The following ABCA2 variants were observed in gnomAD, a reference collection of about 807,000 sequenced individuals.
ABCA2 encodes the protein ATP binding cassette subfamily A member 2.
In ABCA2, 84 loss-of-function variants were observed where a neutral mutation model predicts 262.8. The ratio of observed to expected loss-of-function variants is 0.32; its 90% CI spans 0.27 to 0.38. The LOEUF (loss-of-function observed/expected upper bound fraction) is 0.38, where lower values mean the gene tolerates loss of function less well. Ranked by LOEUF, ABCA2 falls within the 10% of genes least tolerant of loss-of-function variation. The pLI is 1.00. For missense variants in ABCA2, 2,662 were observed against 3,405.9 expected (o/e 0.78, Z 5.44); for synonymous variants, 1,696 against 1,502.9 (o/e 1.13, Z -2.97).
rs1183133129 is a variant in ABCA2 at position 137,013,095 on chromosome 9, G to T, written c.4774C>A (p.Pro1592Thr). The T allele has an allele frequency of 1.9e-6, 3 of 1,582,448 alleles. No individual in the cohort carries two copies. The highest frequency in any genetic ancestry group is 1.7e-6 in the Non-Finnish European group (2 of 1,167,208). The change falls in exon 30 of 49, where the codon CCC becomes ACC. Residue 1592 changes from proline (P) to threonine (T), a missense_variant. Pro to Thr is a conservative substitution (Grantham distance 38). Transcript: ENST00000341511. Reference sequence around the variant, plus strand: ...TCAGATGGGGCGGGCGAGGGTGGGGGTGGCACGAAATTGGACAGTGGCAGC... The same window carrying T: ...TCAGATGGGGCGGGCGAGGGTGGGGTTGGCACGAAATTGGACAGTGGCAGC... ...QGLPLSNFVP[P>T]PPSPAPSDSP...
At chr9:137,018,697 C>T (rs765895979) in intron 13 of ABCA2, 22 bp downstream of exon 13, 21 of 807,454 alleles carry the variant, frequency 2.6e-5, no homozygotes, top group East Asian at 2.0e-4. Flanking sequence ...GGGGCTGGGG[C>T]GGGGCGGGGA....
Position 137,028,024 on chromosome 9 carries a change from C to T in ABCA2, c.66+51G>A, listed in dbSNP as rs1273749629. ...GTGCGCGCGGGGAGCGCGCCTCTGG[C>T]CGCGGTGCGCGCGGCCTCGGGCTGA... is the stretch of plus-strand genomic sequence containing the variant. On this transcript the variant is annotated intron_variant, in intron 1 of 48. Transcript: ENST00000341511. This position sits in a 1 kb window ranked among gnomAD's most constrained non-coding sequence, Gnocchi z 6.9. 21 of 948,726 alleles carry T rather than the reference C, an allele frequency of 2.2e-5. No homozygotes were observed. Among genetic ancestry groups the T allele is most frequent in the South Asian group, 9.3e-5 (2 of 21,516 alleles). The allele number at this position is 948,726 out of a possible 1,614,324, so 58.8% of individuals were successfully genotyped here. A position where few individuals can be genotyped will look rare whatever the true frequency, so the allele number is the denominator to read the frequency against.
rs757391139 is a variant in ABCA2, at chr9:137,011,618, C to T, written c.5651+16G>A. ...CGGTCCCACCTGAGGCCGCTCCCCC[C>T]TCCGCTTCCGCTTACCCATAGAGCA... On this transcript the variant is annotated intron_variant, in intron 36 of 48. Transcript: ENST00000341511. The surrounding 1 kb of genome is among the most constrained non-coding windows in gnomAD (Gnocchi z 8.8). The T allele has an allele frequency of 6.2e-5, 96 of 1,552,806 alleles. No homozygotes were observed. The highest frequency in any genetic ancestry group is 7.9e-5 in the Non-Finnish European group (91 of 1,148,574).
chr9:137,021,766 G>A lies in ABCA2; in HGVS notation c.678+125C>T. The A allele has an allele frequency of 8.0e-7, 1 of 1,248,524 alleles. No homozygotes were observed. Among genetic ancestry groups the A allele is most frequent in the Non-Finnish European group, 1.1e-6 (1 of 886,612 alleles). The allele number at this position is 1,248,524 out of a possible 1,614,324, so 77.3% of individuals were successfully genotyped here. A position where few individuals can be genotyped will look rare whatever the true frequency, so the allele number is the denominator to read the frequency against. ...CCCTCATGCCTGCCATAGACCCCTG[G>A]GACCCTCCCCCTCTCCCAGGAGGAG... On this transcript the variant is annotated intron_variant, in intron 7 of 48. Coordinates refer to ENST00000341511, the MANE Select transcript of ABCA2 (RefSeq NM_001606.5). This position sits in a 1 kb window ranked among gnomAD's most constrained non-coding sequence, Gnocchi z 6.0.
rs1830914448 is a variant in ABCA2 at position 137,008,549 on chromosome 9, T to C, written c.7142A>G (p.Gln2381Arg). The C allele has an allele frequency of 2.5e-6, 4 of 1,605,910 alleles. No homozygotes were observed. In the South Asian group the frequency reaches 3.4e-5, roughly 13 times the overall value. The part of the protein sequence containing the change: ...QQETEPPSAL[Q>R]SPLGCLLSLL... Reference sequence around the variant, plus strand: ...GCTGAGCAAGCAGCCGAGAGGGGACTGCAGTGCGGATGGCGGCTCCGTCTC... The same window carrying C: ...GCTGAGCAAGCAGCCGAGAGGGGACCGCAGTGCGGATGGCGGCTCCGTCTC... The change falls in exon 48 of 49, where the codon CAG (glutamine) becomes CGG (arginine). Residue 2381 changes from glutamine (Q) to arginine (R), a missense_variant. By Grantham distance (43) the Gln-to-Arg change is conservative. Transcript: ENST00000341511.
Position 137,024,125 on chromosome 9 carries a change from G to T in ABCA2, c.160+18C>A, listed in dbSNP as rs989369385. 1.9e-6 allele frequency: 3 copies of T among 1,597,176 alleles called. No individual in the cohort carries two copies. The highest frequency in any genetic ancestry group is 2.6e-6 in the Non-Finnish European group (3 of 1,172,434). Reference sequence around the variant, plus strand: ...CCGCGCTCCCCCGGCTGTGCCTGGGGCCTCCTGCCGCACTCACCTTCCTTC... The same window carrying T: ...CCGCGCTCCCCCGGCTGTGCCTGGGTCCTCCTGCCGCACTCACCTTCCTTC... On this transcript the variant is annotated intron_variant, in intron 2 of 48. Transcript: ENST00000341511.
At position 137,009,402 on chromosome 9, in the gene ABCA2, C is replaced by T; in HGVS notation, c.6795G>A (p.Arg2265=). The part of the protein sequence containing the change: ...RLAIMVNGRL[R]CLGSIQHLKN... The stretch of plus-strand genomic sequence containing the variant: ...TCAGGTGCTGGATGCTGCCCAGGCA[C>T]CGCAGGCGACCGTTCACCATGATGG... Residue 2265 remains arginine, a synonymous_variant, in exon 45 of 49, where the codon CGG becomes CGA. Coordinates refer to ENST00000341511, the MANE Select transcript of ABCA2 (RefSeq NM_001606.5). 6.2e-7 allele frequency: 1 copy of T among 1,604,846 alleles called. No homozygotes were observed. The highest frequency in any genetic ancestry group is 8.5e-7 in the Non-Finnish European group (1 of 1,179,342).
In ABCA2 at chr9:137,009,234, C is replaced by A. The variant is rs557400743; in HGVS notation, c.6827+136G>T. The A allele has an allele frequency of 1.8e-5, 13 of 719,822 alleles. No homozygotes were observed. In the African/African-American group the frequency reaches 2.4e-4, roughly 13 times the overall value. 44.6% of individuals were successfully genotyped at this position (719,822 alleles called of 1,614,324 possible). ...CTCCCCTGGCCCCACTGCCCCAGTC[C>A]CCCCAGCCCCAGTGCCCCCAGCCCC... On this transcript the variant is annotated intron_variant, in intron 45 of 48. Transcript: ENST00000341511.
At position 137,007,807 on chromosome 9, in the gene ABCA2, G is replaced by T; in HGVS notation, c.*122C>A. ...GGGGCTGGAGGACCAGAAGCCCCTT[G>T]GTCCTGAACCTCCACTCCAGGCCCT... On this transcript the variant is annotated 3_prime_UTR_variant, in exon 49 of 49. Transcript: ENST00000341511. 1 of 1,360,252 alleles carries T rather than the reference G, an allele frequency of 7.4e-7. No homozygotes were observed. The highest frequency in any genetic ancestry group is 1.0e-6 in the Non-Finnish European group (1 of 987,394). The allele number at this position is 1,360,252 out of a possible 1,614,324, so 84.3% of individuals were successfully genotyped here.
Position 137,018,936 on chromosome 9 carries a change from G to A in ABCA2, c.1689C>T (p.Asn563=), listed in dbSNP as rs551678655. ...ALLQQLDTID[N]AACGWIQFMS... is the part of the protein sequence containing the mutation. ...TGAACTGGATCCAGCCGCAGGCCGC[G>A]TTGTCAATGGTATCCAGCTGCTGCA... Residue 563 remains asparagine, a synonymous_variant, in exon 12 of 49, where the codon AAC becomes AAT. Transcript: ENST00000341511. 1.7e-4 allele frequency: 267 copies of A among 1,612,784 alleles called. No individual in the cohort carries two copies. In the South Asian group the frequency reaches 2.4e-3, roughly 14 times the overall value.
chr9:137,010,671 C>G lies in ABCA2; in HGVS notation c.6123G>C (p.Val2041=). Residue 2041 remains valine (V), a synonymous_variant, in exon 40 of 49, where the codon GTG becomes GTC. Transcript: ENST00000341511. ...TGTCATTGTCGGCGTCTCCCCGGAG[C>G]ACTCGCTGCCGCTCACTGGCCACGT... The part of the protein sequence containing the change: ...DVDVASERQR[V]LRGDADNDMV... 1 of 1,612,082 alleles carries G rather than the reference C, an allele frequency of 6.2e-7. No individual in the cohort carries two copies. Among genetic ancestry groups the G allele is most frequent in the East Asian group, 2.2e-5 (1 of 44,822 alleles).
rs1472690093 is a variant in ABCA2, at chr9:137,013,374, C to T, written c.4551-56G>A. On this transcript the variant is annotated intron_variant, in intron 29 of 48. Coordinates refer to ENST00000341511, the MANE Select transcript of ABCA2 (RefSeq NM_001606.5). ...GCCAGTCTCCGCCCCTCGCCAGCCC[C>T]GCCCCCTCGCCCGCCTGGCCCACCA... 34 of 1,525,276 alleles carry T rather than the reference C, an allele frequency of 2.2e-5. No individual in the cohort carries two copies. The East Asian group carries it at 2.9e-4, about 13-fold the overall frequency. The allele number at this position is 1,525,276 out of a possible 1,614,324, so 94.5% of individuals were successfully genotyped here. A position where few individuals can be genotyped will look rare whatever the true frequency, so the allele number is the denominator to read the frequency against.
Position 137,010,221 on chromosome 9 carries a change from C to G in ABCA2, c.6325G>C (p.Gly2109Arg), listed in dbSNP as rs1830985371. The change falls in exon 41 of 49, where the codon GGG becomes CGG. Residue 2109 changes from glycine to arginine, a missense_variant. Coordinates refer to ENST00000341511, the MANE Select transcript of ABCA2 (RefSeq NM_001606.5). ...TGTCCATTGACGAAGGCCTCGCCCC[C>G]CGTCGTGCTCTCGTCGCCGGTCAGC... The part of the protein sequence containing the change: ...KMLTGDESTT[G>R]GEAFVNGHSV... The G allele has an allele frequency of 6.2e-7, 1 of 1,605,428 alleles. No homozygotes were observed. The highest frequency in any genetic ancestry group is 8.5e-7 in the Non-Finnish European group (1 of 1,178,402).
At chr9:137,012,410 G>T in intron 32 of ABCA2, 34 bp from the exon 33 acceptor site, 4 of 1,608,576 alleles carry the variant, frequency 2.5e-6, no homozygotes, top group Non-Finnish European at 3.4e-6. Context: ...AAGGCCCCAG[G>T]ACCTCAGACC....
Position 137,011,451 on chromosome 9 carries a change from C to T in ABCA2, c.5755G>A (p.Ala1919Thr), listed in dbSNP as rs773227410. ...TGTAGCAGGAAGGTGGCCACGGTGG[C>T]GGTGATGCCGATGAAGAGATTGATG... ...IVINLFIGIT[A>T]TVATFLLQLF... The change falls in exon 37 of 49, where the codon GCC (alanine) becomes ACC (threonine). Residue 1919 changes from alanine (A) to threonine (T), a missense_variant. Around this residue, in one of 12 missense-constraint regions of ABCA2, gnomAD observed 602 missense variants for 897.4 expected, o/e 0.67. Transcript: ENST00000341511. This position sits in a 1 kb window ranked among gnomAD's most constrained non-coding sequence, Gnocchi z 8.8. 7 of 1,610,852 alleles carry T rather than the reference C, an allele frequency of 4.3e-6. No individual in the cohort carries two copies. Among genetic ancestry groups the T allele is most frequent in the Middle Eastern group, 3.3e-4 (2 of 6,058 alleles).
chr9:137,013,647 A>G, intron 28 of ABCA2, 84 bp from the exon 29 acceptor site: 1 of 1,432,726 alleles, frequency 7.0e-7, no homozygotes. Context: ...CCCCAACCCC[A>G]AGGGATCCAC....
intron 13 of ABCA2, 125 bp from the exon 14 acceptor site, chr9:137,018,476 G>C: frequency 2.7e-6 from 2 of 743,572 alleles, no homozygotes; most frequent in South Asian, 1.8e-5. Flanking sequence ...CCAGGGAAAG[G>C]TGGGACAGGG....
chr9:137,023,748 C>A, intron 3 of ABCA2, 90 bp downstream of exon 3: 1 of 715,884 alleles, frequency 1.4e-6, no homozygotes, highest in Non-Finnish European at 2.6e-6. Context: ...GCTGTTAATG[C>A]AAGCGGGGAG....
chr9:137,014,086 C>T, intron 27 of ABCA2, 48 bp from the exon 28 acceptor site: 1 of 1,597,394 alleles, frequency 6.3e-7, no homozygotes, highest in South Asian at 1.1e-5. Flanking sequence ...GCTACCCTCT[C>T]CCTACTGGCT....
Sources: gnomAD v4.1 joint callset for allele counts on GRCh38, gnomAD v4.1.1 for gene constraint, gnomAD v4.1.1 regional missense constraint, Gnocchi (gnomAD v3.1) non-coding constraint, MANE v1.5 for transcripts, NCBI Gene and HGNC (gene_info 2026-07-23, HGNC 2026-07-21) for gene names.